The following DNAH5 variants were observed in gnomAD, a reference collection of about 807,000 sequenced individuals.
DNAH5 encodes the protein dynein axonemal heavy chain 5, also known as axonemal beta dynein heavy chain 5.
In DNAH5, 372 loss-of-function variants were observed where a neutral mutation model predicts 518.2. That is an observed-to-expected ratio of 0.72 (90% CI 0.66 to 0.78). The LOEUF (loss-of-function observed/expected upper bound fraction) is 0.78. Ranked by LOEUF, DNAH5 falls within the 30% of genes least tolerant of loss-of-function variation. The pLI, the probability that DNAH5 is intolerant of heterozygous loss-of-function variation, is 0.00. For missense variants in DNAH5, 5,523 were observed against 5,687.0 expected (o/e 0.97, Z 0.93); for synonymous variants, 2,039 against 2,025.9 (o/e 1.01, Z -0.17).
intron 68 of DNAH5, among the ~76,000 whole-genome samples, chr5:13,734,428 C>T (rs1490852842): frequency 3.3e-5 from 5 of 152,244 alleles, no homozygotes; most frequent in South Asian, 2.1e-4. Flanking sequence ...TCCAGCCTTC[C>T]GCTGGGCTGT....
chr5:13,885,846 T>G (rs1049321828), intron 18 of DNAH5, 118 bp downstream of exon 18: 2 of 950,772 alleles, frequency 2.1e-6, no homozygotes, highest in African/African-American at 3.3e-5. Context: ...TACATATCAT[T>G]AGAAAATCGA....
chr5:13,752,141 GT>G lies in DNAH5; in HGVS notation c.11020del (p.Thr3674ProfsTer4). 1 of 1,613,882 alleles carries G rather than the reference GT, an allele frequency of 6.2e-7. No individual in the cohort carries two copies. The highest frequency in any genetic ancestry group is 8.5e-7 in the Non-Finnish European group (1 of 1,179,888). On this transcript the variant is annotated frameshift_variant, in exon 64 of 79. Coordinates refer to ENST00000265104, the MANE Select transcript of DNAH5 (RefSeq NM_001369.3). LOFTEE classifies it high-confidence loss of function. Reference protein sequence around the residue: ...LERNFIKTGSTFKVKVGDKEV... With the variant: ...LERNFIKTGSXFKVKVGDKEV... ...TCCATAGGTTTAACCTACCTTAAAG[GT>G]AGACCCAGTTTTAATGAAGTTTCTT...
chr5:13,816,708 T>A (rs1272709483), intron 42 of DNAH5, among the ~76,000 whole-genome samples: 1 of 152,246 alleles, frequency 6.6e-6, no homozygotes, highest in Non-Finnish European at 1.5e-5. Flanking sequence ...AGCACTTTTT[T>A]AAATGAAGCA....
At chr5:13,776,222 A>C (rs191125409) in intron 55 of DNAH5, among the ~76,000 whole-genome samples, 43 of 152,292 alleles carry the variant, frequency 2.8e-4, no homozygotes, top group African/African-American at 8.9e-4. Flanking sequence ...CTTGAGAAGG[A>C]AATGTCCAAG....
At chr5:13,868,034 G>T in intron 24 of DNAH5, 42 bp from the exon 25 acceptor site, 1 of 1,401,150 alleles carries the variant, frequency 7.1e-7, no homozygotes, top group Non-Finnish European at 1.0e-6. Context: ...CCAGTCAGAT[G>T]CATAAATCTA....
At chr5:13,912,282 T>C (rs1279987811) in intron 11 of DNAH5, among the ~76,000 whole-genome samples, 2 of 152,098 alleles carry the variant, frequency 1.3e-5, no homozygotes, top group African/African-American at 4.8e-5. Flanking sequence ...CACTTCCATT[T>C]AAACATCAAA....
In DNAH5 at chr5:13,802,249, A is replaced by G. The variant is rs116156253; in HGVS notation, c.7887+5342T>C. On this transcript the variant is annotated intron_variant, in intron 47 of 78. Transcript: ENST00000265104. ...TGTCTGTCTACACACATAGGATATC[A>G]TTAACCCAAGCTGTGACAGCAGCAT... Among the ~76,000 whole-genome samples, 1,142 of 152,264 alleles carry G rather than the reference A, an allele frequency of 7.5e-3. 12 individuals are homozygous for G. Among genetic ancestry groups the G allele is most frequent in the Middle Eastern group, 0.037 (11 of 294 alleles).
intron 21 of DNAH5, 88 bp from the exon 22 acceptor site, chr5:13,876,905 C>T: frequency 7.4e-7 from 1 of 1,344,240 alleles, no homozygotes; most frequent in Non-Finnish European, 1.0e-6. Flanking sequence ...GATAGTAAAG[C>T]AAGGACTTCT....
chr5:13,742,855 A>C (rs1748791661), intron 65 of DNAH5, among the ~76,000 whole-genome samples: 1 of 152,100 alleles, frequency 6.6e-6, no homozygotes, highest in Non-Finnish European at 1.5e-5. Context: ...CTGTATATTA[A>C]ATAGAAACAA....
chr5:13,871,070 G>A (rs1052538969), intron 23 of DNAH5, 68 bp from the exon 24 acceptor site: 321 of 1,195,408 alleles, frequency 2.7e-4, no homozygotes, highest in Non-Finnish European at 3.7e-4. Flanking sequence ...TCAAACTGTC[G>A]CTGTTCTCCA....
At chr5:13,991,096 T>C (rs959943522) in intron 1 of DNAH5, among the ~76,000 whole-genome samples, 1 of 152,176 alleles carries the variant, frequency 6.6e-6, no homozygotes, top group Non-Finnish European at 1.5e-5. Flanking sequence ...CTTGACTTTG[T>C]CTCTCTAGAG....
Position 13,867,812 on chromosome 5 carries a change from G to A in DNAH5, c.4015C>T (p.Leu1339Phe). 8.1e-6 allele frequency: 13 copies of A among 1,614,012 alleles called. No homozygotes were observed. The highest frequency in any genetic ancestry group is 1.7e-5 in the Admixed American group (1 of 59,996). The change falls in exon 25 of 79, where the codon CTC (leucine) becomes TTC (phenylalanine). Residue 1339 changes from leucine to phenylalanine, a missense_variant. Coordinates refer to ENST00000265104, the MANE Select transcript of DNAH5 (RefSeq NM_001369.3). Reference sequence around the variant, plus strand: ...AGATAAAACTGGTGACAATCTTGGAGGAATACCTCCACAGCACTAATAAGC... The same window carrying A: ...AGATAAAACTGGTGACAATCTTGGAAGAATACCTCCACAGCACTAATAAGC... Reference protein sequence around the residue: ...KELISAVEVFLQDCHQFYLDY... With the variant: ...KELISAVEVFFQDCHQFYLDY...
Position 13,914,542 on chromosome 5 carries a change from A to G in DNAH5, c.1298T>C (p.Leu433Pro). 6.2e-7 allele frequency: 1 copy of G among 1,613,400 alleles called. No homozygotes were observed. ...TACCTGTTTCAGTTTAATCGCAGAT[A>G]GTATTTTTTCTTCAACAACATCCTG... ...QPQDVVEEKI[L>P]SAIKLKQEYQ... The change falls in exon 10 of 79, where the codon CTA (leucine) becomes CCA (proline). Residue 433 changes from leucine (L) to proline (P), a missense_variant. Physicochemically the swap from Leu to Pro is moderately conservative, Grantham distance 98. Transcript: ENST00000265104.
At chr5:13,890,237 T>C (rs1420255273) in intron 17 of DNAH5, among the ~76,000 whole-genome samples, 3 of 151,962 alleles carry the variant, frequency 2.0e-5, no homozygotes, top group Non-Finnish European at 4.4e-5. Flanking sequence ...TGAAACCCCA[T>C]CTCTACTAAA....
intron 77 of DNAH5, 138 bp downstream of exon 77, chr5:13,701,146 T>G: frequency 3.4e-6 from 4 of 1,167,822 alleles, no homozygotes; most frequent in South Asian, 1.3e-5. Context: ...CTGGGATTTA[T>G]GTACATGACA....
At chr5:13,834,801 A>C (rs561800445) in intron 35 of DNAH5, among the ~76,000 whole-genome samples, 9 of 152,348 alleles carry the variant, frequency 5.9e-5, no homozygotes, top group African/African-American at 1.9e-4. Flanking sequence ...GAAACAGAGA[A>C]GTAGCAGAGG....
Position 13,882,901 on chromosome 5 carries a change from C to G in DNAH5, c.3174+3G>C. 1 of 1,614,146 alleles carries G rather than the reference C, an allele frequency of 6.2e-7. No homozygotes were observed. Among genetic ancestry groups the G allele is most frequent in the East Asian group, 2.2e-5 (1 of 44,872 alleles). On this transcript the variant is annotated splice_donor_region_variant and intron_variant, in intron 20 of 78. Coordinates refer to ENST00000265104, the MANE Select transcript of DNAH5 (RefSeq NM_001369.3). Reference sequence around the variant, plus strand: ...TGAAACCATTTCTGCACCCCATACCCACCTTGGACAACAGTTCACTGCTCC... The same window carrying G: ...TGAAACCATTTCTGCACCCCATACCGACCTTGGACAACAGTTCACTGCTCC...
chr5:13,780,839 T>C lies in DNAH5; in HGVS notation c.8941A>G (p.Thr2981Ala). ...GTAAAAGGTTGTCACCTCGTCAGAGTGATCTGGAAGGAAACGTAGCCAGCA... is the reference window on the plus strand; with the variant it reads ...GTAAAAGGTTGTCACCTCGTCAGAGCGATCTGGAAGGAAACGTAGCCAGCA... ...FIAGYVSFQI[T>A]LTRSYNTSNL... Residue 2981 changes from threonine (T) to alanine (A), a missense_variant, in exon 53 of 79, where the codon ACT becomes GCT. Around this residue, in one of 3 missense-constraint regions of DNAH5, gnomAD observed 5,121 missense variants for 5,223.3 expected, o/e 0.98. Transcript: ENST00000265104. 1 of 1,613,548 alleles carries C rather than the reference T, an allele frequency of 6.2e-7. No homozygotes were observed. The highest frequency in any genetic ancestry group is 8.5e-7 in the Non-Finnish European group (1 of 1,179,678).
At chr5:13,730,161 C>T (rs1746288832) in intron 68 of DNAH5, among the ~76,000 whole-genome samples, 1 of 152,194 alleles carries the variant, frequency 6.6e-6, no homozygotes, top group Admixed American at 6.5e-5. Flanking sequence ...CTAACCACAA[C>T]AAACATTTCC....
Sources: allele counts gnomAD v4.1 joint callset (sites outside exome capture counted in the v4.1 genomes callset), GRCh38; gene constraint gnomAD v4.1.1; regional missense constraint gnomAD v4.1.1; transcripts MANE v1.5; gene names NCBI Gene and HGNC (gene_info 2026-07-23, HGNC 2026-07-21).